The following TPST1 variants were observed in gnomAD, a reference collection of about 807,000 sequenced individuals.
TPST1 encodes the protein tyrosylprotein sulfotransferase 1, also known as protein-tyrosine sulfotransferase 1.
In TPST1, 20 loss-of-function variants were observed where a neutral mutation model predicts 34.8. The ratio of observed to expected loss-of-function variants is 0.57; its 90% CI spans 0.40 to 0.84. The LOEUF is 0.84. TPST1 is among the 40% of genes least tolerant of loss of function. TPST1 has a pLI of 0.00. For synonymous variants in TPST1, 152 were observed against 159.4 expected, an observed-to-expected ratio of 0.95 and a Z score of 0.35; for missense variants, 353 against 455.5, an observed-to-expected ratio of 0.78 and a Z score of 2.05.
intron 1 of TPST1, among the ~76,000 whole-genome samples, chr7:66,226,984 C>T (rs570761783): frequency 2.6e-4 from 35 of 134,116 alleles, no homozygotes; most frequent in Non-Finnish European, 4.3e-4. Flanking sequence ...GAAAAACAGG[C>T]GGAGAAATTT....
At position 66,205,337 on chromosome 7, in the gene TPST1, C is replaced by A. The variant is rs927405559; in HGVS notation, c.-287C>A. On this transcript the variant is annotated 5_prime_UTR_variant, in exon 1 of 6. Transcript: ENST00000304842. This position sits in a 1 kb window ranked among gnomAD's most constrained non-coding sequence, Gnocchi z 5.0. ...TCGCTGAGTTGGCGACCGCGGGAGA[C>A]GCTGCTGAGGCGGCTTCGGTTGCGG... is the stretch of plus-strand genomic sequence containing the variant. 1 of 152,304 alleles carries A rather than the reference C, an allele frequency of 6.6e-6. No homozygotes were observed. Among genetic ancestry groups the A allele is most frequent in the African/African-American group, 2.4e-5 (1 of 41,468 alleles). 9.4% of individuals were successfully genotyped at this position (152,304 alleles called of 1,614,324 possible). A position where few individuals can be genotyped will look rare whatever the true frequency, so the allele number is the denominator to read the frequency against.
At chr7:66,312,728 C>T (rs145901121) in intron 3 of TPST1, among the ~76,000 whole-genome samples, 278 of 151,934 alleles carry the variant, frequency 1.8e-3, no homozygotes, top group African/African-American at 6.3e-3. Flanking sequence ...AGTGACACTA[C>T]GAAAAATCAA....
chr7:66,242,441 T>C (rs1790055484), intron 2 of TPST1, among the ~76,000 whole-genome samples: 1 of 152,170 alleles, frequency 6.6e-6, no homozygotes. Context: ...AGTAAATAGA[T>C]TTCTTATGTA....
intron 2 of TPST1, among the ~76,000 whole-genome samples, chr7:66,244,324 G>T (rs1298400363): frequency 6.6e-6 from 1 of 152,084 alleles, no homozygotes; most frequent in South Asian, 2.1e-4. Context: ...TAAATATTTA[G>T]GCAGCCTTGA....
chr7:66,253,930 G>C (rs1790326192), intron 2 of TPST1, among the ~76,000 whole-genome samples: 1 of 148,754 alleles, frequency 6.7e-6, no homozygotes, highest in South Asian at 2.1e-4. Context: ...CCAGGGAATG[G>C]AGGCAGAAGT....
chr7:66,258,555 C>T (rs1263817873), intron 2 of TPST1, among the ~76,000 whole-genome samples: 5 of 152,192 alleles, frequency 3.3e-5, no homozygotes, highest in South Asian at 2.1e-4. Flanking sequence ...TGCAAAATTA[C>T]GGGAAACCCT....
At chr7:66,312,193 G>A (rs1443789757) in intron 3 of TPST1, among the ~76,000 whole-genome samples, 3 of 152,198 alleles carry the variant, frequency 2.0e-5, no homozygotes, top group Non-Finnish European at 4.4e-5. Context: ...AGTTCCTTAA[G>A]AAATAGGTTC....
intron 1 of TPST1, among the ~76,000 whole-genome samples, chr7:66,237,896 G>T (rs750474169): frequency 6.6e-6 from 1 of 152,124 alleles, no homozygotes; most frequent in Non-Finnish European, 1.5e-5. Flanking sequence ...GCCCAATAAC[G>T]AGATGCAGAT....
At chr7:66,347,869 T>C (rs900883802) in intron 3 of TPST1, among the ~76,000 whole-genome samples, 8 of 152,338 alleles carry the variant, frequency 5.3e-5, no homozygotes, top group Middle Eastern at 3.4e-3. Context: ...AATAGTTTTT[T>C]TGGTGGAGTC....
chr7:66,218,777 G>A (rs1789478539), intron 1 of TPST1, among the ~76,000 whole-genome samples: 2 of 152,104 alleles, frequency 1.3e-5, no homozygotes, highest in African/African-American at 2.4e-5. Context: ...AACTTGGGAG[G>A]TGGAGCTTGC....
rs1238078488 is a variant in TPST1, at chr7:66,309,497, C to T, written c.1044+22788C>T. On this transcript the variant is annotated intron_variant, in intron 3 of 5. Transcript: ENST00000304842. ...AATGGGCAAAATCTAGCACAATGAC[C>T]CTAGCCCTCTGAGGGTCACAGCAGG... is the stretch of plus-strand genomic sequence containing the variant. 2.0e-5 allele frequency among the ~76,000 whole-genome samples: 3 copies of T among 152,202 alleles called. No homozygotes were observed. The East Asian group carries it at 5.8e-4, about 29-fold the overall frequency.
At chr7:66,349,599 T>C in intron 3 of TPST1, among the ~76,000 whole-genome samples, 1 of 151,474 alleles carries the variant, frequency 6.6e-6, no homozygotes, top group East Asian at 1.9e-4. Context: ...AACAACAAAG[T>C]CAAGTCACTT....
intron 3 of TPST1, among the ~76,000 whole-genome samples, chr7:66,296,033 T>C (rs771438837): frequency 6.6e-6 from 1 of 152,184 alleles, no homozygotes; most frequent in Non-Finnish European, 1.5e-5. Context: ...CCAAGATACA[T>C]GTACAATGCT....
chr7:66,311,595 A>G (rs1160398359), intron 3 of TPST1, among the ~76,000 whole-genome samples: 1 of 152,214 alleles, frequency 6.6e-6, no homozygotes, highest in Non-Finnish European at 1.5e-5. Context: ...TAAACAAGCA[A>G]TTACTAAACA....
rs373801835 is a variant in TPST1 at position 66,248,503 on chromosome 7, G to GTTT, written c.845+7249_845+7251dup. Among the ~76,000 whole-genome samples the GTTT allele has an allele frequency of 9.9e-4, 123 of 124,220 alleles. 4 individuals are homozygous for GTTT. The highest frequency in any genetic ancestry group is 4.8e-3 in the East Asian group (20 of 4,180). 81.5% of individuals were successfully genotyped at this position (124,220 alleles called of 152,430 possible). ...ATATTGGTTTATAAAAACATTTAGT[G>GTTT]TTTTTTTTTTTTTTTTTTGAGACAG... On this transcript the variant is annotated intron_variant, in intron 2 of 5. Coordinates refer to ENST00000304842, the MANE Select transcript of TPST1 (RefSeq NM_003596.4).
intron 2 of TPST1, among the ~76,000 whole-genome samples, chr7:66,260,429 A>T (rs1282764968): frequency 2.0e-5 from 3 of 152,192 alleles, no homozygotes; most frequent in Non-Finnish European, 4.4e-5. Flanking sequence ...TAGATTAGGG[A>T]TGCTCAACGT....
chr7:66,346,834 A>G (rs1225958397), intron 3 of TPST1, among the ~76,000 whole-genome samples: 1 of 151,998 alleles, frequency 6.6e-6, no homozygotes, highest in East Asian at 1.9e-4. Flanking sequence ...ACTTGGCATG[A>G]TCCCATTTGT....
chr7:66,285,591 T>G (rs1437412596), intron 2 of TPST1, among the ~76,000 whole-genome samples: 1 of 152,196 alleles, frequency 6.6e-6, no homozygotes, highest in African/African-American at 2.4e-5. Context: ...GGTTATATTC[T>G]TAATTAAAAG....
chr7:66,234,432 G>GACAC (rs34418019), intron 1 of TPST1, among the ~76,000 whole-genome samples: 2 of 33,404 alleles, frequency 6.0e-5, no homozygotes, highest in East Asian at 7.4e-4. Context: ...CACACACACA[G>GACAC]ACACACACAC....
Sources: gnomAD v4.1 joint callset for allele counts (sites outside exome capture counted in the v4.1 genomes callset) on GRCh38, gnomAD v4.1.1 for gene constraint, Gnocchi (gnomAD v3.1) non-coding constraint, MANE v1.5 for transcripts, NCBI Gene and HGNC (gene_info 2026-07-23, HGNC 2026-07-21) for gene names.